SLC25A26: variants seen among roughly 807,000 people sequenced by gnomAD.
The protein encoded by SLC25A26 is mitochondrial S-adenosylmethionine carrier protein.
SLC25A26 carries 36 observed loss-of-function variants against 37.8 expected under a neutral mutation model. The ratio of observed to expected loss-of-function variants is 0.95; its 90% CI spans 0.73 to 1.26. The LOEUF (loss-of-function observed/expected upper bound fraction) is 1.26. Ranked by LOEUF, SLC25A26 falls within the 50% of genes most tolerant of loss-of-function variation. The pLI is 0.00. For missense variants in SLC25A26, 390 were observed against 331.1 expected, an observed-to-expected ratio of 1.18 and a Z score of -1.38; for synonymous variants, 129 against 122.5, an observed-to-expected ratio of 1.05 and a Z score of -0.35.
intron 1 of SLC25A26, among the ~76,000 whole-genome samples, chr3:66,136,915 T>G (rs2069954864): frequency 6.6e-6 from 1 of 152,168 alleles, no homozygotes; most frequent in Admixed American, 6.6e-5. Flanking sequence ...ACAAAGAGAG[T>G]TGGAGCTTCC....
intron 5 of SLC25A26, among the ~76,000 whole-genome samples, chr3:66,276,519 G>T (rs981981921): frequency 1.3e-5 from 2 of 152,018 alleles, no homozygotes; most frequent in African/African-American, 4.8e-5. Context: ...TGTTTGTATG[G>T]GCAGAACACA....
At chr3:66,268,554 G>T (rs1020446604) in intron 5 of SLC25A26, among the ~76,000 whole-genome samples, 3 of 152,188 alleles carry the variant, frequency 2.0e-5, no homozygotes, top group Non-Finnish European at 4.4e-5. Context: ...TTCTTGTGAG[G>T]ATTAAATGAG....
intron 1 of SLC25A26, among the ~76,000 whole-genome samples, chr3:66,206,647 A>G (rs1335949065): frequency 6.6e-6 from 1 of 152,046 alleles, no homozygotes; most frequent in Non-Finnish European, 1.5e-5. Context: ...GACATTTCAG[A>G]ATAAAGAAGA....
At chr3:66,348,637 A>G (rs956217857) in intron 6 of SLC25A26, among the ~76,000 whole-genome samples, 1 of 152,254 alleles carries the variant, frequency 6.6e-6, no homozygotes, top group African/African-American at 2.4e-5. Flanking sequence ...TTGTTGAGGT[A>G]TATACTAAAG....
At chr3:66,189,802 C>T (rs1172383791) in intron 1 of SLC25A26, among the ~76,000 whole-genome samples, 1 of 152,002 alleles carries the variant, frequency 6.6e-6, no homozygotes, top group Non-Finnish European at 1.5e-5. Context: ...GCTGGGACTA[C>T]AGGCATGCAC....
chr3:66,230,685 A>G (rs539337630), intron 1 of SLC25A26, among the ~76,000 whole-genome samples: 1 of 151,832 alleles, frequency 6.6e-6, no homozygotes, highest in Non-Finnish European at 1.5e-5. Flanking sequence ...CACGCCTGTA[A>G]TCCCAGCTAC....
At chr3:66,181,738 C>T (rs565932889) in intron 1 of SLC25A26, among the ~76,000 whole-genome samples, 6 of 150,978 alleles carry the variant, frequency 4.0e-5, no homozygotes, top group Non-Finnish European at 7.4e-5. Flanking sequence ...ACTAAATTTG[C>T]AGTCCCTCTG....
intron 1 of SLC25A26, among the ~76,000 whole-genome samples, chr3:66,153,999 T>C (rs567216219): frequency 6.6e-5 from 10 of 152,332 alleles, no homozygotes; most frequent in African/African-American, 2.4e-4. Flanking sequence ...GTGCGTGGTT[T>C]AGCCGAGTCC....
intron 5 of SLC25A26, among the ~76,000 whole-genome samples, chr3:66,310,233 G>C (rs2075338957): frequency 6.6e-6 from 1 of 152,166 alleles, no homozygotes; most frequent in South Asian, 2.1e-4. Context: ...TTGTTGAATT[G>C]ACCCCTTTGC....
At chr3:66,297,771 A>G (rs1576822442) in intron 5 of SLC25A26, among the ~76,000 whole-genome samples, 1 of 152,222 alleles carries the variant, frequency 6.6e-6, no homozygotes, top group Admixed American at 6.5e-5. Flanking sequence ...TGTATGGACC[A>G]TAAAGCCTAA....
At chr3:66,161,664 T>C (rs2070361750) in intron 1 of SLC25A26, among the ~76,000 whole-genome samples, 1 of 152,230 alleles carries the variant, frequency 6.6e-6, no homozygotes, top group African/African-American at 2.4e-5. Flanking sequence ...TTTGTTTGCC[T>C]GAATTATCTG....
At chr3:66,249,736 C>A (rs556934533) in intron 3 of SLC25A26, among the ~76,000 whole-genome samples, 1 of 152,122 alleles carries the variant, frequency 6.6e-6, no homozygotes, top group Admixed American at 6.6e-5. Flanking sequence ...ATAAGTGAGT[C>A]GTGGGGGATA....
chr3:66,352,088 TA>T (rs960557660), intron 6 of SLC25A26, among the ~76,000 whole-genome samples: 28 of 147,904 alleles, frequency 1.9e-4, no homozygotes, highest in South Asian at 4.3e-4. Context: ...CTACAAAAAT[TA>T]AAAAAAAAAA....
intron 1 of SLC25A26, among the ~76,000 whole-genome samples, chr3:66,169,057 C>T (rs376577109): frequency 2.6e-5 from 4 of 152,088 alleles, no homozygotes; most frequent in Non-Finnish European, 5.9e-5. Context: ...CCCAGGTGTT[C>T]GAGGCTGCAG....
chr3:66,167,130 G>A (rs530971076), intron 1 of SLC25A26, among the ~76,000 whole-genome samples: 5 of 152,142 alleles, frequency 3.3e-5, no homozygotes, highest in South Asian at 4.2e-4. Context: ...ACTCAGGCTC[G>A]GGTATTAGTC....
At chr3:66,350,268 AAAT>A (rs2076418592) in intron 6 of SLC25A26, among the ~76,000 whole-genome samples, 2 of 152,264 alleles carry the variant, frequency 1.3e-5, no homozygotes, top group East Asian at 3.9e-4. Flanking sequence ...CTGTTACCTT[AAAT>A]TCAACTCTGT....
intron 1 of SLC25A26, among the ~76,000 whole-genome samples, chr3:66,229,675 A>G (rs2071919412): frequency 6.6e-6 from 1 of 152,214 alleles, no homozygotes; most frequent in African/African-American, 2.4e-5. Context: ...ACCCTGTCTC[A>G]GGTATTTCTT....
intron 1 of SLC25A26, among the ~76,000 whole-genome samples, chr3:66,185,719 G>A (rs954143383): frequency 1.7e-4 from 26 of 152,040 alleles, no homozygotes; most frequent in African/African-American, 5.3e-4. Flanking sequence ...GAGCCTGACC[G>A]TGGCCCATAC....
rs1177279834 is a variant in SLC25A26, at chr3:66,135,339, C to T, written c.-354+1355C>T. ...TTAGTAAAATATAAACATTGTAATA[C>T]GTTACATGCTCAAATCCTACAGTTG... is the stretch of plus-strand genomic sequence containing the variant. On this transcript the variant is annotated intron_variant, in intron 1 of 10. Transcript: ENST00000676754. Among the ~76,000 whole-genome samples, 11 of 152,258 alleles carry T rather than the reference C, an allele frequency of 7.2e-5. 1 individual carries two copies. The South Asian group carries it at 1.9e-3, about 26-fold the overall frequency.
Sources: allele counts gnomAD v4.1 joint callset (sites outside exome capture counted in the v4.1 genomes callset), GRCh38; gene constraint gnomAD v4.1.1; transcripts MANE v1.5; gene names NCBI Gene and HGNC (gene_info 2026-07-23, HGNC 2026-07-21).